The following ZNF280D variants were observed in gnomAD, a reference collection of about 807,000 sequenced individuals.
ZNF280D encodes the protein zinc finger protein 280D.
ZNF280D carries 39 observed loss-of-function variants against 94.7 expected under a neutral mutation model. That is an observed-to-expected ratio of 0.41 (90% CI 0.32 to 0.54). ZNF280D has a LOEUF of 0.54. Among genes scored for constraint, ZNF280D ranks in the 20% least tolerant of loss-of-function variants. The pLI, the probability that ZNF280D is intolerant of heterozygous loss-of-function variation, is 0.22. For missense variants in ZNF280D, 1,090 were observed against 1,149.3 expected (o/e 0.95, Z 0.75); for synonymous variants, 398 against 377.6 (o/e 1.05, Z -0.63).
intron 20 of ZNF280D, among the ~76,000 whole-genome samples, chr15:56,640,606 C>G (rs1398609070): frequency 6.6e-6 from 1 of 152,080 alleles, no homozygotes; most frequent in African/African-American, 2.4e-5. Context: ...ATTTTCAAAT[C>G]TAATTCTTTT....
At chr15:56,728,453 T>C (rs1234281458) in intron 1 of ZNF280D, among the ~76,000 whole-genome samples, 5 of 152,222 alleles carry the variant, frequency 3.3e-5, no homozygotes, top group African/African-American at 1.2e-4. Flanking sequence ...AAATCTGAAA[T>C]TGAAAAATCT....
intron 20 of ZNF280D, among the ~76,000 whole-genome samples, chr15:56,642,584 A>T (rs1231754071): frequency 6.6e-6 from 1 of 151,756 alleles, no homozygotes; most frequent in African/African-American, 2.4e-5. Flanking sequence ...TAACCTTTTG[A>T]CAGTTAAAAT....
At chr15:56,678,894 G>A (rs1419995177) in intron 10 of ZNF280D, 73 bp from the exon 11 acceptor site, 2 of 1,353,862 alleles carry the variant, frequency 1.5e-6, no homozygotes, top group African/African-American at 2.9e-5. Context: ...ACAAGAATCT[G>A]AACCTAAATC....
In ZNF280D at chr15:56,644,967, C is replaced by G. The variant is rs1346661788; in HGVS notation, c.2214-1970G>C. On this transcript the variant is annotated intron_variant, in intron 19 of 21. Transcript: ENST00000267807. ...ACAGAATCGTAATAACTAGTGAACACATTTAGAAAAATAAATCTTAAAAAT... is the reference window on the plus strand; with the variant it reads ...ACAGAATCGTAATAACTAGTGAACAGATTTAGAAAAATAAATCTTAAAAAT... 5.3e-5 allele frequency among the ~76,000 whole-genome samples: 8 copies of G among 152,092 alleles called. No homozygotes were observed. The East Asian group carries it at 1.5e-3, about 29-fold the overall frequency.
At chr15:56,665,721 A>AAAAAAAAT (rs2054246377) in intron 16 of ZNF280D, among the ~76,000 whole-genome samples, 1 of 150,780 alleles carries the variant, frequency 6.6e-6, no homozygotes, top group South Asian at 2.1e-4. Flanking sequence ...AAAAAAAAAA[A>AAAAAAAAT]GGAGGATGAC....
intron 1 of ZNF280D, among the ~76,000 whole-genome samples, chr15:56,723,085 G>C (rs1285301971): frequency 7.5e-6 from 1 of 133,432 alleles, no homozygotes; most frequent in African/African-American, 2.9e-5. Flanking sequence ...TTGTGGGGTG[G>C]GGGGAGGGGG....
intron 20 of ZNF280D, among the ~76,000 whole-genome samples, chr15:56,638,170 C>A (rs888077066): frequency 6.6e-6 from 1 of 152,094 alleles, no homozygotes; most frequent in African/African-American, 2.4e-5. Flanking sequence ...AGCAAAAACT[C>A]CTACCCACCA....
chr15:56,715,583 C>T (rs2057997372), intron 1 of ZNF280D, among the ~76,000 whole-genome samples: 1 of 151,978 alleles, frequency 6.6e-6, no homozygotes, highest in South Asian at 2.1e-4. Context: ...TGTAAACTAG[C>T]AGAATGAGGC....
At chr15:56,694,294 TACACACACACACACACACACACAC>T (rs57017142) in intron 6 of ZNF280D, among the ~76,000 whole-genome samples, 1 of 138,406 alleles carries the variant, frequency 7.2e-6, no homozygotes, top group African/African-American at 2.7e-5. Context: ...TAATGACACA[TACACACACACACACACACACACAC>T]ACACACACAC....
intron 12 of ZNF280D, among the ~76,000 whole-genome samples, chr15:56,677,320 T>G (rs2140967911): frequency 6.6e-6 from 1 of 152,334 alleles, no homozygotes; most frequent in South Asian, 2.1e-4. Context: ...TATGACTACA[T>G]TCTTCCCTAT....
chr15:56,729,932 T>G (rs1002438594), intron 1 of ZNF280D: 1 of 152,242 alleles, frequency 6.6e-6, no homozygotes, highest in African/African-American at 2.4e-5. Context: ...ATGCATGAAA[T>G]AGATTTTTTA....
chr15:56,693,806 G>A (rs772614192), intron 6 of ZNF280D, among the ~76,000 whole-genome samples: 11 of 152,154 alleles, frequency 7.2e-5, no homozygotes. Context: ...ATCACATAAT[G>A]TGAATTTTGA....
intron 13 of ZNF280D, among the ~76,000 whole-genome samples, chr15:56,674,608 T>G (rs2055090720): frequency 6.6e-6 from 1 of 152,064 alleles, no homozygotes. Flanking sequence ...GGCAAGTTAC[T>G]TTCTCTAAAG....
At chr15:56,687,017 T>C (rs1167635769) in intron 9 of ZNF280D, among the ~76,000 whole-genome samples, 3 of 152,210 alleles carry the variant, frequency 2.0e-5, no homozygotes, top group South Asian at 2.1e-4. Flanking sequence ...TCACAAATAA[T>C]GTAAAAATCA....
chr15:56,696,277 TACTC>T lies in ZNF280D; in HGVS notation c.382-3066_382-3063del, dbSNP rs571051609. On this transcript the variant is annotated intron_variant, in intron 6 of 21. Transcript: ENST00000267807. ...GAAAAGTTACTTCTGAGTTTCAAGT[TACTC>T]ACCTTTCAAACTGAAATAATAATCA... Among the ~76,000 whole-genome samples, 192 of 152,356 alleles carry T rather than the reference TACTC, an allele frequency of 1.3e-3. 1 individual carries two copies. Among genetic ancestry groups the T allele is most frequent in the African/African-American group, 4.4e-3 (183 of 41,594 alleles).
intron 1 of ZNF280D, among the ~76,000 whole-genome samples, chr15:56,728,819 A>T (rs1341691166): frequency 1.3e-5 from 2 of 152,222 alleles, no homozygotes; most frequent in African/African-American, 2.4e-5. Context: ...TCAATAAATT[A>T]CATGAGATAC....
At chr15:56,671,468 C>T (rs780894220) in intron 13 of ZNF280D, among the ~76,000 whole-genome samples, 1 of 151,952 alleles carries the variant, frequency 6.6e-6, no homozygotes, top group Admixed American at 6.6e-5. Flanking sequence ...TCAGGTTTGT[C>T]GAAGATCAGA....
At chr15:56,660,821 T>G (rs1218874542) in intron 16 of ZNF280D, among the ~76,000 whole-genome samples, 3 of 152,116 alleles carry the variant, frequency 2.0e-5, no homozygotes, top group Admixed American at 2.0e-4. Context: ...TAATCATATT[T>G]TCTTCATAAT....
At chr15:56,657,317 T>C (rs1476322751) in intron 17 of ZNF280D, among the ~76,000 whole-genome samples, 1 of 152,172 alleles carries the variant, frequency 6.6e-6, no homozygotes, top group Non-Finnish European at 1.5e-5. Flanking sequence ...AAGAAAATAT[T>C]AGAATTATAA....
Sources: allele counts gnomAD v4.1 joint callset (sites outside exome capture counted in the v4.1 genomes callset), GRCh38; gene constraint gnomAD v4.1.1; transcripts MANE v1.5; gene names NCBI Gene and HGNC (gene_info 2026-07-23, HGNC 2026-07-21).